FANCB: variants seen among roughly 807,000 people sequenced by gnomAD.
The protein encoded by FANCB is FA complementation group B, also known as Fanconi anemia group B protein.
In FANCB, 5 loss-of-function variants were observed where a neutral mutation model predicts 38.9. That is an observed-to-expected ratio of 0.13 (90% confidence interval 0.07 to 0.27). FANCB has a LOEUF of 0.27. Ranked by LOEUF, FANCB falls within the 10% of genes least tolerant of loss-of-function variation. The pLI is 1.00. For missense variants in FANCB, 573 were observed against 602.7 expected (o/e 0.95, Z 0.52); for synonymous variants, 236 against 215.4 (o/e 1.10, Z -0.84).
At chrX:14,714,088 T>A in the FANCB span, among the ~76,000 whole-genome samples, 44 of 110,828 alleles carry the variant, frequency 4.0e-4, no homozygotes, top group East Asian at 7.1e-3. Context: ...CTTGAACTGA[T>A]TCTATTTCCT....
At chrX:14,730,319 C>T in the FANCB span, 26 of 1,208,697 alleles carry the variant, frequency 2.2e-5, no homozygotes, top group African/African-American at 4.0e-4. Flanking sequence ...AACCCACTCC[C>T]ACAACCGCCA....
the FANCB span, among the ~76,000 whole-genome samples, chrX:14,750,300 A>C: frequency 1.8e-5 from 2 of 111,921 alleles, no homozygotes; most frequent in Non-Finnish European, 3.8e-5. Context: ...CAGAGGCTTA[A>C]CACAATGGAC....
Position 14,845,051 on chromosome X carries a change from T to G in FANCB, c.1732A>C (p.Ile578Leu). Residue 578 changes from isoleucine to leucine, a missense_variant, in exon 8 of 10, where the codon ATT becomes CTT. By Grantham distance (5) the Ile-to-Leu change is conservative (BLOSUM62 2). Transcript: ENST00000650831. ...HPSKKECVQIITAVTSLSPLL... is the reference protein window; with the variant it reads ...HPSKKECVQILTAVTSLSPLL... ...GGTGAAAGAGATGTTACAGCAGTAA[T>G]TATCTGTACACACTCTTTCTTAGAT... is the stretch of plus-strand genomic sequence containing the variant. 8.3e-7 allele frequency: 1 copy of G among 1,207,647 alleles called. No homozygotes were observed. The highest frequency in any genetic ancestry group is 1.1e-6 in the Non-Finnish European group (1 of 891,803).
At chrX:14,831,720 G>A (rs1418100315), downstream of FANCB, among the ~76,000 whole-genome samples, 1 of 111,764 alleles carries the variant, frequency 8.9e-6, no homozygotes, top group Non-Finnish European at 1.9e-5. Flanking sequence ...TGAAACAGTG[G>A]AAAGATGATG....
the FANCB span, among the ~76,000 whole-genome samples, chrX:14,801,038 CGAAGCAGAAGCA>C: frequency 4.6e-5 from 5 of 109,402 alleles, no homozygotes; most frequent in African/African-American, 1.7e-4. Context: ...TAGAAATTAC[CGAAGCAGAAGCA>C]GAAGCAGAAG....
the FANCB span, among the ~76,000 whole-genome samples, chrX:14,791,953 C>T: frequency 8.9e-6 from 1 of 111,774 alleles, no homozygotes; most frequent in African/African-American, 3.3e-5. Context: ...ATTTTAACAG[C>T]TTGATCTCCA....
At chrX:14,779,812 T>C in the FANCB span, among the ~76,000 whole-genome samples, 2 of 110,664 alleles carry the variant, frequency 1.8e-5, no homozygotes, top group Admixed American at 1.9e-4. Flanking sequence ...GTCAAACTAA[T>C]GTATTTGGAT....
At chrX:14,802,344 G>A in the FANCB span, among the ~76,000 whole-genome samples, 5 of 111,652 alleles carry the variant, frequency 4.5e-5, no homozygotes, top group Admixed American at 4.8e-4. Context: ...TGAAATGTTG[G>A]GTCACACAGC....
the FANCB span, among the ~76,000 whole-genome samples, chrX:14,740,010 G>T: frequency 9.0e-6 from 1 of 111,140 alleles, no homozygotes; most frequent in Admixed American, 9.6e-5. Flanking sequence ...TAGAGCCCAG[G>T]GCTGCTCATG....
chrX:14,804,057 A>C, the FANCB span, among the ~76,000 whole-genome samples: 10 of 112,161 alleles, frequency 8.9e-5, no homozygotes, highest in African/African-American at 3.2e-4. Context: ...TAGTTCAACC[A>C]TTGTGGAAGA....
chrX:14,701,031 C>T, the FANCB span, among the ~76,000 whole-genome samples: 3 of 109,420 alleles, frequency 2.7e-5, no homozygotes, highest in South Asian at 4.0e-4. Context: ...GGTGGGTAGG[C>T]GGACAGGATT....
At chrX:14,730,159 A>C in the FANCB span, 1 of 1,003,768 alleles carries the variant, frequency 1.0e-6, no homozygotes, top group Admixed American at 2.3e-5. Flanking sequence ...TCTTCCATCT[A>C]ACTTGACTGA....
At chrX:14,773,087 G>A in the FANCB span, among the ~76,000 whole-genome samples, 69 of 112,010 alleles carry the variant, frequency 6.2e-4, no homozygotes, top group Non-Finnish European at 3.2e-4. Flanking sequence ...TCACTCGCCC[G>A]TTTTCATTCC....
chrX:14,815,732 C>T, the FANCB span, among the ~76,000 whole-genome samples: 4 of 112,482 alleles, frequency 3.6e-5, no homozygotes, highest in Admixed American at 9.4e-5. Flanking sequence ...TATCACAGCA[C>T]TGTTCACCAT....
At chrX:14,776,361 T>C in the FANCB span, among the ~76,000 whole-genome samples, 63 of 111,888 alleles carry the variant, frequency 5.6e-4, no homozygotes, top group Non-Finnish European at 2.1e-4. Flanking sequence ...TTGGCCAGGA[T>C]GGTTGGGAGG....
At chrX:14,738,343 A>G in the FANCB span, among the ~76,000 whole-genome samples, 1 of 112,115 alleles carries the variant, frequency 8.9e-6, no homozygotes, top group Non-Finnish European at 1.9e-5. Flanking sequence ...TATTTCAGGG[A>G]AAATAGTTCA....
chrX:14,743,302 C>G, the FANCB span, among the ~76,000 whole-genome samples: 3 of 111,553 alleles, frequency 2.7e-5, no homozygotes, highest in Non-Finnish European at 5.6e-5. Context: ...ACCTTTCAAC[C>G]ATGAATGTCA....
chrX:14,730,593 GGAGGGAGGGTCATGGGGGT>G, the FANCB span: 2 of 119,660 alleles, frequency 1.7e-5, no homozygotes, highest in South Asian at 2.4e-4. Flanking sequence ...GAGGGAGGGG[GGAGGGAGGGTCATGGGGGT>G]GGGTTTCCTG....
At chrX:14,796,903 A>G in the FANCB span, among the ~76,000 whole-genome samples, 1 of 110,321 alleles carries the variant, frequency 9.1e-6, no homozygotes, top group East Asian at 2.8e-4. Flanking sequence ...TTCCAGCCCA[A>G]AAGCTGGCAG....
Sources: allele counts gnomAD v4.1 joint callset (sites outside exome capture counted in the v4.1 genomes callset), GRCh38; gene constraint gnomAD v4.1.1; transcripts MANE v1.5; gene names NCBI Gene and HGNC (gene_info 2026-07-23, HGNC 2026-07-21).